CTCF: variants seen among roughly 807,000 people sequenced by gnomAD.
CTCF encodes CCCTC-binding factor.
A neutral mutation model predicts 72.3 loss-of-function variants in CTCF; 7 were observed. That is an observed-to-expected ratio of 0.10 (90% confidence interval 0.06 to 0.18). The LOEUF (loss-of-function observed/expected upper bound fraction) is 0.18. Among genes scored for constraint, CTCF ranks in the 10% least tolerant of loss-of-function variants. The probability of loss-of-function intolerance (pLI) is 1.00; values close to 1 mark genes in which losing one functional copy is unlikely to be tolerated. For synonymous variants in CTCF, 374 were observed against 315.8 expected (o/e 1.18, Z -1.95); for missense variants, 516 against 949.1 (o/e 0.54, Z 6.00).
chr16:67,627,922 C>CAA (rs966649326), intron 8 of CTCF: 45 of 45,272 alleles, frequency 9.9e-4, no homozygotes, highest in East Asian at 3.2e-3. Context: ...GACTCCATCT[C>CAA]AAAAAAAAAA....
At chr16:67,602,722 T>G (rs1003602891) in intron 2 of CTCF, among the ~76,000 whole-genome samples, 2 of 151,192 alleles carry the variant, frequency 1.3e-5, no homozygotes, top group African/African-American at 4.9e-5. Context: ...ATGCCTGTAA[T>G]CCCAGCTACT....
At chr16:67,597,649 C>T (rs1256564369) in intron 2 of CTCF, among the ~76,000 whole-genome samples, 3 of 152,244 alleles carry the variant, frequency 2.0e-5, no homozygotes, top group African/African-American at 7.2e-5. Flanking sequence ...GCCAATGCTT[C>T]TTTGTTTCAT....
intron 2 of CTCF, among the ~76,000 whole-genome samples, chr16:67,571,874 A>C (rs1186288735): frequency 1.3e-5 from 2 of 152,178 alleles, no homozygotes. Context: ...CATTATATGG[A>C]ACTTGGAACA....
intron 4 of CTCF, chr16:67,612,334 T>C: frequency 2.5e-6 from 1 of 397,142 alleles, no homozygotes; most frequent in Non-Finnish European, 4.4e-6. Context: ...CCCTCTCTCT[T>C]AAAAAAAAGA....
rs376867005 is a variant in CTCF, at chr16:67,586,700, A to G, written c.-10+15436A>G. On this transcript the variant is annotated intron_variant, in intron 2 of 11. Transcript: ENST00000264010. ...TTTCTTTTGTTGTTTAAACTTCTAC[A>G]TGTGTATCTTTGTTTTTTCAGCCTC... 1.0e-3 allele frequency among the ~76,000 whole-genome samples: 155 copies of G among 151,638 alleles called. 1 individual carries two copies. Among genetic ancestry groups the G allele is most frequent in the African/African-American group, 3.2e-3 (134 of 41,390 alleles).
rs576591214 is a variant in CTCF at position 67,619,941 on chromosome 16, G to T, written c.1087-756G>T. ...TCACTGTTTTAGTATAAGGTATCCT[G>T]CAGGGGACTAAAGGATGGATAATGG... On this transcript the variant is annotated intron_variant, in intron 5 of 11. Coordinates refer to ENST00000264010, the MANE Select transcript of CTCF (RefSeq NM_006565.4). Among the ~76,000 whole-genome samples, 5 of 152,202 alleles carry T rather than the reference G, an allele frequency of 3.3e-5. No individual in the cohort carries two copies. In the South Asian group the frequency reaches 1.0e-3, roughly 32 times the overall value.
At chr16:67,609,848 TCTC>T (rs2052035253) in intron 2 of CTCF, among the ~76,000 whole-genome samples, 1 of 151,854 alleles carries the variant, frequency 6.6e-6, no homozygotes, top group African/African-American at 2.4e-5. Flanking sequence ...ATGGTCTCGA[TCTC>T]CTGACCTCCG....
At chr16:67,602,052 T>C (rs902689028) in intron 2 of CTCF, among the ~76,000 whole-genome samples, 8 of 152,028 alleles carry the variant, frequency 5.3e-5, no homozygotes, top group African/African-American at 1.9e-4. Flanking sequence ...TTAGTAGAGA[T>C]GGGGTTTCAC....
intron 2 of CTCF, among the ~76,000 whole-genome samples, chr16:67,608,348 AC>A (rs1389812237): frequency 3.3e-5 from 5 of 149,502 alleles, no homozygotes; most frequent in South Asian, 2.3e-4. Flanking sequence ...AAAAAAAAAA[AC>A]GACTTGTTAG....
chr16:67,621,376 A>C (rs1028480560), intron 6 of CTCF, 66 bp from the exon 7 acceptor site: 3 of 1,220,946 alleles, frequency 2.5e-6, no homozygotes, highest in African/African-American at 1.5e-5. Flanking sequence ...CACCTGAGTT[A>C]CCCTCCAGTT....
chr16:67,605,880 G>T (rs945987210), intron 2 of CTCF, among the ~76,000 whole-genome samples: 1 of 152,192 alleles, frequency 6.6e-6, no homozygotes, highest in Admixed American at 6.6e-5. Flanking sequence ...GACTGAAGGG[G>T]AGAGTGCTAG....
rs2052334642 is a variant in CTCF at position 67,629,540 on chromosome 16, G to A, written c.1837+7G>A. The A allele has an allele frequency of 6.2e-7, 1 of 1,612,122 alleles. No homozygotes were observed. Among genetic ancestry groups the A allele is most frequent in the African/African-American group, 1.3e-5 (1 of 74,712 alleles). ...GAAGATTCCTCTGACAGTGGTAAGT[G>A]ACTTGTTCCTTGATTTGCTTACTAT... On this transcript the variant is annotated splice_region_variant and intron_variant, in intron 10 of 11. Coordinates refer to ENST00000264010, the MANE Select transcript of CTCF (RefSeq NM_006565.4).
At chr16:67,595,330 T>C (rs1567601335) in intron 2 of CTCF, among the ~76,000 whole-genome samples, 1 of 152,076 alleles carries the variant, frequency 6.6e-6, no homozygotes, top group Non-Finnish European at 1.5e-5. Context: ...GCTTGTTCTG[T>C]TTCTTTTTTA....
At chr16:67,566,070 A>G (rs763409930) in intron 1 of CTCF, among the ~76,000 whole-genome samples, 7 of 152,192 alleles carry the variant, frequency 4.6e-5, no homozygotes, top group Non-Finnish European at 8.8e-5. Flanking sequence ...TGTCTGCCTA[A>G]TTTACCTGTC....
At chr16:67,574,650 C>CTTTTT (rs1162960134) in intron 2 of CTCF, among the ~76,000 whole-genome samples, 13 of 97,000 alleles carry the variant, frequency 1.3e-4, no homozygotes, top group African/African-American at 4.9e-4. Flanking sequence ...CCAAAAGCAT[C>CTTTTT]TTTTTTTTTT....
intron 10 of CTCF, among the ~76,000 whole-genome samples, chr16:67,632,528 GT>G (rs1332795877): frequency 1.3e-5 from 2 of 152,206 alleles, no homozygotes. Context: ...TGACCCAGAA[GT>G]TCTGCCTGTC....
intron 2 of CTCF, among the ~76,000 whole-genome samples, chr16:67,588,118 A>C (rs1349715893): frequency 6.6e-6 from 1 of 152,116 alleles, no homozygotes; most frequent in African/African-American, 2.4e-5. Context: ...TCGGTCTCCC[A>C]AAGTGCTGGG....
At chr16:67,637,063 A>C (rs371064557) in intron 11 of CTCF, among the ~76,000 whole-genome samples, 3 of 152,310 alleles carry the variant, frequency 2.0e-5, no homozygotes, top group East Asian at 1.9e-4. Flanking sequence ...TTCAAGAAGA[A>C]GTCCAGAGTA....
intron 5 of CTCF, among the ~76,000 whole-genome samples, chr16:67,619,160 G>A (rs2052169826): frequency 6.6e-6 from 1 of 152,218 alleles, no homozygotes; most frequent in Non-Finnish European, 1.5e-5. Context: ...GTGGGGCCAG[G>A]CGCGGTAGCT....
Sources: allele counts gnomAD v4.1 joint callset (sites outside exome capture counted in the v4.1 genomes callset), GRCh38; gene constraint gnomAD v4.1.1; transcripts MANE v1.5; gene names NCBI Gene and HGNC (gene_info 2026-07-23, HGNC 2026-07-21).